TRAPPC9: variants seen among roughly 807,000 people sequenced by gnomAD.
TRAPPC9 encodes IKK2 binding protein.
Under a neutral mutation model 124.0 loss-of-function variants are expected in TRAPPC9, and 83 were observed. The ratio of observed to expected loss-of-function variants is 0.67; its 90% CI spans 0.56 to 0.80. TRAPPC9 has a LOEUF of 0.80. Among genes scored for constraint, TRAPPC9 ranks in the 30% least tolerant of loss-of-function variants. The probability of loss-of-function intolerance (pLI) is 0.00; values close to 1 mark genes in which losing one functional copy is unlikely to be tolerated. For synonymous variants in TRAPPC9, 638 were observed against 617.5 expected (o/e 1.03, Z -0.49); for missense variants, 1,302 against 1,508.3 (o/e 0.86, Z 2.27).
At chr8:140,019,715 C>G (rs1213928072) in intron 18 of TRAPPC9, among the ~76,000 whole-genome samples, 1 of 151,694 alleles carries the variant, frequency 6.6e-6, no homozygotes, top group East Asian at 1.9e-4. Flanking sequence ...ACGTGCCCAG[C>G]TAATTTTTCT....
chr8:139,864,759 G>A (rs1175558534), intron 21 of TRAPPC9, among the ~76,000 whole-genome samples: 1 of 152,214 alleles, frequency 6.6e-6, no homozygotes, highest in Non-Finnish European at 1.5e-5. Context: ...TGATCCTAGA[G>A]GTGAAGAAGT....
In TRAPPC9 at chr8:140,061,471, G is replaced by C. The variant is rs181500280; in HGVS notation, c.2557-37392C>G. On this transcript the variant is annotated intron_variant, in intron 17 of 22. Transcript: ENST00000438773. ...GGAGCCCGCAGTCAAGCAGGAAGCA[G>C]AGAAGCAAGCACAGGCCACGGCACA... 2.3e-4 allele frequency among the ~76,000 whole-genome samples: 35 copies of C among 152,350 alleles called. No individual in the cohort carries two copies. The East Asian group carries it at 6.4e-3, about 28-fold the overall frequency.
At chr8:139,932,318 G>A (rs1563931580) in intron 19 of TRAPPC9, 1 of 457,732 alleles carries the variant, frequency 2.2e-6, no homozygotes, top group East Asian at 7.0e-5. Flanking sequence ...TGGATGTCAG[G>A]CTTGGCCACA....
chr8:140,261,360 G>C (rs979016057), intron 15 of TRAPPC9, among the ~76,000 whole-genome samples: 2 of 152,194 alleles, frequency 1.3e-5, no homozygotes, highest in Non-Finnish European at 2.9e-5. Context: ...TGGGGAGGTT[G>C]TCTCTGATTG....
intron 17 of TRAPPC9, among the ~76,000 whole-genome samples, chr8:140,119,351 TTCAGGATGGCCCCTC>T (rs1236567044): frequency 6.6e-6 from 1 of 152,184 alleles, no homozygotes; most frequent in East Asian, 1.9e-4. Context: ...CAGAAGTCCT[TTCAGGATGGCCCCTC>T]AAGCAGTTCC....
At position 140,104,887 on chromosome 8, in the gene TRAPPC9, C is replaced by T. The variant is rs995094958; in HGVS notation, c.2557-80808G>A. On this transcript the variant is annotated intron_variant, in intron 17 of 22. Transcript: ENST00000438773. The surrounding 1 kb of genome is among the most constrained non-coding windows in gnomAD (Gnocchi z 4.0). ...AAACAGTGTTAATGGCGACATTTAA[C>T]GACATGGAGCTCCCTGAGTTGACTC... Among the ~76,000 whole-genome samples, 14 of 152,330 alleles carry T rather than the reference C, an allele frequency of 9.2e-5. No homozygotes were observed. Among genetic ancestry groups the T allele is most frequent in the African/African-American group, 2.9e-4 (12 of 41,564 alleles).
At chr8:140,422,253 G>T (rs111675266) in intron 5 of TRAPPC9, among the ~76,000 whole-genome samples, 8 of 150,470 alleles carry the variant, frequency 5.3e-5, no homozygotes, top group African/African-American at 2.0e-4. Context: ...AATTGCTTTA[G>T]GTGTAAAGTT....
At chr8:139,940,160 C>CGGA (rs1833816560) in intron 19 of TRAPPC9, among the ~76,000 whole-genome samples, 1 of 152,206 alleles carries the variant, frequency 6.6e-6, no homozygotes, top group Non-Finnish European at 1.5e-5. Flanking sequence ...GGATCCGCCA[C>CGGA]GGCCTCCACC....
chr8:139,909,860 T>C (rs1831600146), intron 20 of TRAPPC9, among the ~76,000 whole-genome samples: 1 of 152,192 alleles, frequency 6.6e-6, no homozygotes, highest in African/African-American at 2.4e-5. Context: ...AACCTGTCAC[T>C]AACATGAATA....
intron 21 of TRAPPC9, among the ~76,000 whole-genome samples, chr8:139,827,821 G>T (rs1825739920): frequency 6.6e-6 from 1 of 152,206 alleles, no homozygotes; most frequent in Non-Finnish European, 1.5e-5. Context: ...CAGGGAGCAT[G>T]GTACTGGCAT....
rs543854337 is a variant in TRAPPC9, at chr8:140,338,409, T to C, written c.1495+21641A>G. Among the ~76,000 whole-genome samples, 203 of 152,260 alleles carry C rather than the reference T, an allele frequency of 1.3e-3. 1 individual carries two copies. Among genetic ancestry groups the C allele is most frequent in the African/African-American group, 4.7e-3 (197 of 41,542 alleles). ...CTCCTTTGCAGGTCATAAAAATTAA[T>C]TGAGTGGATAGCGACCAGCGTCCCT... On this transcript the variant is annotated intron_variant, in intron 9 of 22. Coordinates refer to ENST00000438773, the MANE Select transcript of TRAPPC9 (RefSeq NM_001160372.4).
At chr8:139,994,546 C>T (rs73725369) in intron 18 of TRAPPC9, among the ~76,000 whole-genome samples, 16,218 of 152,216 alleles carry the variant, frequency 0.11, 1,724 homozygotes, top group African/African-American at 0.28. Flanking sequence ...TGTCAGGTGA[C>T]ACCTGCATAA....
intron 7 of TRAPPC9, among the ~76,000 whole-genome samples, chr8:140,392,816 C>G (rs1206875124): frequency 1.3e-5 from 2 of 152,196 alleles, no homozygotes; most frequent in Non-Finnish European, 2.9e-5. Flanking sequence ...AAGAAAATAA[C>G]CAAATTCACA....
chr8:140,061,294 C>T (rs1842595686), intron 17 of TRAPPC9, among the ~76,000 whole-genome samples: 1 of 49,590 alleles, frequency 2.0e-5, no homozygotes, highest in Non-Finnish European at 7.6e-5. Flanking sequence ...CCCAAGGCTG[C>T]CCGGCAGCCT....
intron 20 of TRAPPC9, among the ~76,000 whole-genome samples, chr8:139,899,119 T>TTA (rs1830851184): frequency 1.4e-4 from 1 of 7,382 alleles, no homozygotes; most frequent in East Asian, 3.8e-3. Context: ...AAACTCCGTC[T>TTA]CAAAAAAAAA....
chr8:140,312,794 C>G (rs1249441607), intron 9 of TRAPPC9, among the ~76,000 whole-genome samples: 2 of 143,330 alleles, frequency 1.4e-5, no homozygotes, highest in African/African-American at 5.2e-5. Context: ...GGATCTCACT[C>G]TGTCTCCCAG....
intron 17 of TRAPPC9, among the ~76,000 whole-genome samples, chr8:140,074,995 A>G (rs1313748563): frequency 2.6e-5 from 4 of 152,098 alleles, no homozygotes; most frequent in East Asian, 3.9e-4. Flanking sequence ...AAGAGACATC[A>G]CTTGCCCAAT....
intron 9 of TRAPPC9, among the ~76,000 whole-genome samples, chr8:140,346,529 A>G (rs2132090050): frequency 6.6e-6 from 1 of 152,336 alleles, no homozygotes; most frequent in Non-Finnish European, 1.5e-5. Context: ...TTTACATGCA[A>G]AAACCAAGAT....
chr8:139,871,248 C>T (rs1214522523), intron 21 of TRAPPC9, among the ~76,000 whole-genome samples: 4 of 152,122 alleles, frequency 2.6e-5, no homozygotes, highest in Non-Finnish European at 5.9e-5. Context: ...ACACCTGGGC[C>T]CACCTTGGGT....
Sources: gnomAD v4.1 joint callset for allele counts (sites outside exome capture counted in the v4.1 genomes callset) on GRCh38, gnomAD v4.1.1 for gene constraint, Gnocchi (gnomAD v3.1) non-coding constraint, MANE v1.5 for transcripts, NCBI Gene and HGNC (gene_info 2026-07-23, HGNC 2026-07-21) for gene names.